The following PDZD8 variants were observed in gnomAD, a reference collection of about 807,000 sequenced individuals.
The protein encoded by PDZD8 is PDZ domain containing 8.
PDZD8 carries 14 observed loss-of-function variants against 85.8 expected under a neutral mutation model. That is an observed-to-expected ratio of 0.16 (90% confidence interval 0.11 to 0.26). The LOEUF is 0.26. Among genes scored for constraint, PDZD8 ranks in the 10% least tolerant of loss-of-function variants. The probability of loss-of-function intolerance (pLI) is 1.00; values close to 1 mark genes in which losing one functional copy is unlikely to be tolerated. For synonymous variants in PDZD8, 592 were observed against 568.6 expected (o/e 1.04, Z -0.59); for missense variants, 1,197 against 1,424.3 (o/e 0.84, Z 2.57).
At position 117,363,547 on chromosome 10, in the gene PDZD8, T is replaced by TA. The variant is rs576144747; in HGVS notation, c.872+10808dup. Reference sequence around the variant, plus strand: ...TTCATCCTAGGAGAAACACCATTTCTAAAAAGTAGTTAGGTTGCAAGTTTC... The same window carrying TA: ...TTCATCCTAGGAGAAACACCATTTCTAAAAAAGTAGTTAGGTTGCAAGTTTC... On this transcript the variant is annotated intron_variant, in intron 1 of 4. Transcript: ENST00000334464. Among the ~76,000 whole-genome samples the TA allele has an allele frequency of 9.2e-5, 14 of 152,274 alleles. No individual in the cohort carries two copies. The South Asian group carries it at 2.5e-3, about 27-fold the overall frequency.
intron 1 of PDZD8, among the ~76,000 whole-genome samples, chr10:117,353,593 T>C (rs193135543): frequency 7.9e-5 from 12 of 152,270 alleles, no homozygotes; most frequent in Admixed American, 5.2e-4. Flanking sequence ...TAAAGAATTA[T>C]TACTTTTTAA....
intron 3 of PDZD8, among the ~76,000 whole-genome samples, chr10:117,296,525 A>G (rs1405039477): frequency 6.6e-6 from 1 of 152,142 alleles, no homozygotes; most frequent in Non-Finnish European, 1.5e-5. Context: ...CTCCTTAAAT[A>G]TAACAGGGTT....
chr10:117,311,838 G>A (rs1564695823), intron 3 of PDZD8, among the ~76,000 whole-genome samples: 1 of 151,676 alleles, frequency 6.6e-6, no homozygotes, highest in Non-Finnish European at 1.5e-5. Flanking sequence ...GAAGGGCAGG[G>A]GGAGGAAGAG....
chr10:117,328,820 A>G (rs1370059028), intron 2 of PDZD8, among the ~76,000 whole-genome samples: 1 of 152,222 alleles, frequency 6.6e-6, no homozygotes, highest in Non-Finnish European at 1.5e-5. Context: ...CTATAATTAA[A>G]TATAATCCTC....
intron 1 of PDZD8, among the ~76,000 whole-genome samples, chr10:117,370,666 A>G (rs959986828): frequency 3.9e-5 from 6 of 152,128 alleles, no homozygotes; most frequent in Admixed American, 2.6e-4. Flanking sequence ...ACATGGTGAA[A>G]CCTGTCTCTT....
chr10:117,322,572 G>A (rs555648108), intron 2 of PDZD8, among the ~76,000 whole-genome samples: 256 of 152,198 alleles, frequency 1.7e-3, no homozygotes, highest in African/African-American at 5.8e-3. Context: ...CAGGGGGCAC[G>A]AACTCTAGTT....
rs1054996696 is a variant in PDZD8, at chr10:117,281,472, A to C, written c.*1796T>G. The C allele has an allele frequency of 1.3e-5, 2 of 151,948 alleles. No homozygotes were observed. Among genetic ancestry groups the C allele is most frequent in the African/African-American group, 4.8e-5 (2 of 41,330 alleles). 9.4% of individuals were successfully genotyped at this position (151,948 alleles called of 1,614,324 possible). A position where few individuals can be genotyped will look rare whatever the true frequency, so the allele number is the denominator to read the frequency against. On this transcript the variant is annotated 3_prime_UTR_variant, in exon 5 of 5. Coordinates refer to ENST00000334464, the MANE Select transcript of PDZD8 (RefSeq NM_173791.5). ...GGCTAAGAAAGGTATTTAGTACCTG[A>C]AATTTTCGCTTACTAAAGTAACAAA...
At chr10:117,321,036 A>G (rs1844217811) in intron 2 of PDZD8, among the ~76,000 whole-genome samples, 1 of 152,190 alleles carries the variant, frequency 6.6e-6, no homozygotes, top group South Asian at 2.1e-4. Flanking sequence ...ATGCTCATAC[A>G]TCGCTGATGG....
intron 2 of PDZD8, among the ~76,000 whole-genome samples, chr10:117,335,946 C>T (rs1462909146): frequency 3.9e-5 from 6 of 152,152 alleles, no homozygotes; most frequent in Non-Finnish European, 7.4e-5. Flanking sequence ...AGGAACAATT[C>T]CATAAGGATG....
In PDZD8 at chr10:117,318,856, T is replaced by C; in HGVS notation, c.1098+16A>G. 6.6e-7 allele frequency: 1 copy of C among 1,513,254 alleles called. No homozygotes were observed. Among genetic ancestry groups the C allele is most frequent in the Non-Finnish European group, 9.2e-7 (1 of 1,090,800 alleles). 93.7% of individuals were successfully genotyped at this position (1,513,254 alleles called of 1,614,324 possible). The stretch of plus-strand genomic sequence containing the variant: ...AGAACTTTATATAGATATAAATCAC[T>C]GTAAATCCATTTTACCGTCTTAATA... On this transcript the variant is annotated intron_variant, in intron 3 of 4. Transcript: ENST00000334464.
chr10:117,328,961 A>T (rs1052317384), intron 2 of PDZD8, among the ~76,000 whole-genome samples: 1 of 152,354 alleles, frequency 6.6e-6, no homozygotes, highest in Admixed American at 6.5e-5. Context: ...TTCCCACTGG[A>T]AACGTGAGTA....
At position 117,284,402 on chromosome 10, in the gene PDZD8, T is replaced by C. The variant is rs1565015452; in HGVS notation, c.2331A>G (p.Gln777=). 1 of 1,614,214 alleles carries C rather than the reference T, an allele frequency of 6.2e-7. No individual in the cohort carries two copies. Among genetic ancestry groups the C allele is most frequent in the Non-Finnish European group, 8.5e-7 (1 of 1,180,036 alleles). Residue 777 remains glutamine, a synonymous_variant, in exon 5 of 5, where the codon CAA becomes CAG. Coordinates refer to ENST00000334464, the MANE Select transcript of PDZD8 (RefSeq NM_173791.5). The part of the protein sequence containing the change: ...TRTALRNLSM[Q]KGFNDKFCYG... ...AGCAAAATTTGTCATTGAATCCCTT[T>C]TGCATACTCAGATTGCGTAGTGCGG...
At chr10:117,326,875 C>A (rs11596349) in intron 2 of PDZD8, among the ~76,000 whole-genome samples, 2,299 of 152,176 alleles carry the variant, frequency 0.015, 25 homozygotes, top group Middle Eastern at 0.02. Context: ...GACTCAGGTA[C>A]AAAAAATTAA....
intron 3 of PDZD8, among the ~76,000 whole-genome samples, chr10:117,302,978 A>G (rs139033168): frequency 0.032 from 4,907 of 152,286 alleles, 87 homozygotes; most frequent in South Asian, 0.039. Context: ...CCTTTATCAG[A>G]AGCATGAAAA....
Position 117,281,589 on chromosome 10 carries a change from T to C in PDZD8, c.*1679A>G, listed in dbSNP as rs1467752424. ...TACTCATATAAATAATGCCTTTTAC[T>C]TGTATATCTTTTTACTGTTCAAAGC... On this transcript the variant is annotated 3_prime_UTR_variant, in exon 5 of 5. Transcript: ENST00000334464. The C allele has an allele frequency of 6.6e-6, 1 of 152,202 alleles. No individual in the cohort carries two copies. Among genetic ancestry groups the C allele is most frequent in the Non-Finnish European group, 1.5e-5 (1 of 68,048 alleles). The allele number at this position is 152,202 out of a possible 1,614,324, so 9.4% of individuals were successfully genotyped here.
intron 1 of PDZD8, among the ~76,000 whole-genome samples, chr10:117,345,334 C>G (rs1844686356): frequency 6.6e-6 from 1 of 152,186 alleles, no homozygotes; most frequent in Non-Finnish European, 1.5e-5. Flanking sequence ...AATAAGACAG[C>G]TGGGAGGAGC....
At chr10:117,298,431 C>T (rs1339779102) in intron 3 of PDZD8, among the ~76,000 whole-genome samples, 1 of 151,962 alleles carries the variant, frequency 6.6e-6, no homozygotes, top group Non-Finnish European at 1.5e-5. Context: ...TCTTAATATA[C>T]CAAATTTTAG....
At chr10:117,324,365 T>C (rs938198311) in intron 2 of PDZD8, among the ~76,000 whole-genome samples, 1 of 151,990 alleles carries the variant, frequency 6.6e-6, no homozygotes, top group African/African-American at 2.4e-5. Flanking sequence ...AGAAATCTAA[T>C]AGTTATCAGT....
intron 1 of PDZD8, among the ~76,000 whole-genome samples, chr10:117,355,488 A>G (rs1740111721): frequency 6.6e-6 from 1 of 152,196 alleles, no homozygotes; most frequent in African/African-American, 2.4e-5. Context: ...TTTATAGACA[A>G]TATAAAATAG....
Sources: allele counts gnomAD v4.1 joint callset (sites outside exome capture counted in the v4.1 genomes callset), GRCh38; gene constraint gnomAD v4.1.1; transcripts MANE v1.5; gene names NCBI Gene and HGNC (gene_info 2026-07-23, HGNC 2026-07-21).